P2RX5: variants seen among roughly 807,000 people sequenced by gnomAD.
P2RX5 encodes the protein P2X purinoceptor 5.
P2RX5 carries 46 observed loss-of-function variants against 54.1 expected under a neutral mutation model. The observed-to-expected ratio is 0.85, with a 90% CI of 0.67 to 1.09. The LOEUF is 1.09. Among genes scored for constraint, P2RX5 ranks in the 50% least tolerant of loss-of-function variants. The pLI, the probability that P2RX5 is intolerant of heterozygous loss-of-function variation, is 0.00. For missense variants in P2RX5, 566 were observed against 549.8 expected, an observed-to-expected ratio of 1.03 and a Z score of -0.29; for synonymous variants, 226 against 226.4, an observed-to-expected ratio of 1.00 and a Z score of 0.02.
chr17:3,705,699 T>C, the P2RX5 span, among the ~76,000 whole-genome samples: 1 of 152,196 alleles, frequency 6.6e-6, no homozygotes, highest in African/African-American at 2.4e-5. Context: ...AAAGAACGAA[T>C]GAATGAAATT....
chr17:3,679,515 G>T (rs2050180327), intron 11 of P2RX5, 75 bp downstream of exon 11: 2 of 1,365,214 alleles, frequency 1.5e-6, no homozygotes, highest in Non-Finnish European at 2.1e-6. Context: ...GAGCTGCCAG[G>T]CATGAGAAGC....
At chr17:3,680,621 G>T (rs1292947639) in intron 10 of P2RX5, among the ~76,000 whole-genome samples, 4 of 94,324 alleles carry the variant, frequency 4.2e-5, no homozygotes, top group Non-Finnish European at 6.3e-5. Flanking sequence ...CCTCCACCCT[G>T]CAGGCCACCA....
chr17:3,696,074 G>A lies in P2RX5; in HGVS notation c.-69C>T. ...GCTCATGGGGAGCACTCGGTCCCTC[G>A]GTCCCTGCGCGCCCGGCGCCCGCCT... On this transcript the variant is annotated 5_prime_UTR_variant, in exon 1 of 12. Coordinates refer to ENST00000225328, the MANE Select transcript of P2RX5 (RefSeq NM_002561.4). 6.5e-7 allele frequency: 1 copy of A among 1,535,996 alleles called. No homozygotes were observed. The highest frequency in any genetic ancestry group is 1.2e-5 in the South Asian group (1 of 82,900).
chr17:3,680,217 A>G (rs972176748), intron 10 of P2RX5, among the ~76,000 whole-genome samples: 121 of 48,632 alleles, frequency 2.5e-3, no homozygotes, highest in Non-Finnish European at 3.0e-3. Context: ...TCCACCCTGC[A>G]TCCTCCACCC....
chr17:3,720,438 A>T, the P2RX5 span: 1 of 959,758 alleles, frequency 1.0e-6, no homozygotes, highest in South Asian at 1.3e-5. Flanking sequence ...GAAACAAAAC[A>T]TATTTTAGAC....
chr17:3,695,736 C>A, intron 1 of P2RX5, 133 bp downstream of exon 1: 6 of 1,067,700 alleles, frequency 5.6e-6, no homozygotes, highest in Non-Finnish European at 8.6e-6. Context: ...CCACAGCAAG[C>A]AGGCTCACAG....
At chr17:3,715,528 G>A in the P2RX5 span, among the ~76,000 whole-genome samples, 2 of 152,128 alleles carry the variant, frequency 1.3e-5, no homozygotes, top group African/African-American at 4.8e-5. Flanking sequence ...GTACGCAGAG[G>A]CACGAACCTA....
chr17:3,719,037 G>A, the P2RX5 span, among the ~76,000 whole-genome samples: 1 of 152,016 alleles, frequency 6.6e-6, no homozygotes, highest in South Asian at 2.1e-4. Context: ...TTCGAGACCA[G>A]CCTGGCCAAC....
the P2RX5 span, chr17:3,716,959 G>A: frequency 1.7e-6 from 1 of 574,316 alleles, no homozygotes; most frequent in Non-Finnish European, 3.1e-6. Flanking sequence ...CCCTGATGCA[G>A]CATTTTAGAT....
chr17:3,673,490 T>C lies in P2RX5; in HGVS notation c.*378A>G. 8.5e-7 allele frequency: 1 copy of C among 1,174,576 alleles called. No individual in the cohort carries two copies. The highest frequency in any genetic ancestry group is 1.1e-6 in the Non-Finnish European group (1 of 940,008). The allele number at this position is 1,174,576 out of a possible 1,614,324, so 72.8% of individuals were successfully genotyped here. On this transcript the variant is annotated 3_prime_UTR_variant, in exon 12 of 12. Coordinates refer to ENST00000225328, the MANE Select transcript of P2RX5 (RefSeq NM_002561.4). Reference sequence around the variant, plus strand: ...GGAGCCCTTTTCCGGACACGCACAATGCTATTCCCAGTGAGGTAATCTAGG... The same window carrying C: ...GGAGCCCTTTTCCGGACACGCACAACGCTATTCCCAGTGAGGTAATCTAGG...
intron 1 of P2RX5, 88 bp from the exon 2 acceptor site, chr17:3,691,882 A>C: frequency 7.4e-7 from 1 of 1,354,878 alleles, no homozygotes; most frequent in East Asian, 2.3e-5. Flanking sequence ...TAGCAGTCAC[A>C]GCAACTCCTA....
chr17:3,700,699 G>A (rs546080236), upstream of P2RX5, among the ~76,000 whole-genome samples: 30 of 152,308 alleles, frequency 2.0e-4, no homozygotes, highest in African/African-American at 6.3e-4. Context: ...CCTAGTGGGC[G>A]GTGTAGGGTC....
chr17:3,688,571 G>A, intron 8 of P2RX5, 55 bp downstream of exon 8: 2 of 1,588,846 alleles, frequency 1.3e-6, no homozygotes, highest in Non-Finnish European at 1.7e-6. Context: ...GCACCCAGAT[G>A]AGTGAGTGCC....
At chr17:3,709,343 T>A in the P2RX5 span, among the ~76,000 whole-genome samples, 2 of 152,192 alleles carry the variant, frequency 1.3e-5, no homozygotes, top group African/African-American at 4.8e-5. Context: ...GATTTCACTA[T>A]GAGAAATGTA....
At chr17:3,699,917 GGAAAGAAAGAAA>G (rs71362545), upstream of P2RX5, among the ~76,000 whole-genome samples, 567 of 75,340 alleles carry the variant, frequency 7.5e-3, 6 homozygotes, top group Middle Eastern at 0.015. Flanking sequence ...AAGGAAGGAA[GGAAAGAAAGAAA>G]GAAAGAAAGA....
Position 3,696,012 on chromosome 17 carries a change from C to T in P2RX5, c.-7G>A, listed in dbSNP as rs1478007886. 1 of 1,613,422 alleles carries T rather than the reference C, an allele frequency of 6.2e-7. No individual in the cohort carries two copies. The highest frequency in any genetic ancestry group is 1.1e-5 in the South Asian group (1 of 91,080). On this transcript the variant is annotated 5_prime_UTR_variant, in exon 1 of 12. Transcript: ENST00000225328. ...TGCAGCCCGCCTGCCCCATGGCGCG[C>T]TCTCAGCCGGGCTTGCGGACCGCCC...
chr17:3,673,901 G>A, intron 11 of P2RX5, 24 bp from the exon 12 acceptor site: 1 of 1,601,822 alleles, frequency 6.2e-7, no homozygotes, highest in Non-Finnish European at 8.5e-7. Context: ...ACAGAAAGGA[G>A]CTCTTGAGAG....
the P2RX5 span, chr17:3,723,802 C>A: frequency 4.4e-3 from 7,027 of 1,589,102 alleles, 16 homozygotes; most frequent in Non-Finnish European, 5.4e-3. Flanking sequence ...AGTTTTCCGT[C>A]CCGTCCCGGC....
rs777559851 is a variant in P2RX5, at chr17:3,696,034, GC to G, written c.-30del. 79 of 1,611,454 alleles carry G rather than the reference GC, an allele frequency of 4.9e-5. 1 individual carries two copies. The Admixed American group carries it at 7.8e-4, about 16-fold the overall frequency. ...GCGCTCTCAGCCGGGCTTGCGGACC[GC>G]CCGGCCCACGTGCGCTCATGGGGAG... On this transcript the variant is annotated 5_prime_UTR_variant, in exon 1 of 12. The change creates a premature stop within an existing upstream ORF in the 5' untranslated region. Coordinates refer to ENST00000225328, the MANE Select transcript of P2RX5 (RefSeq NM_002561.4).
Sources: gnomAD v4.1 joint callset for allele counts (sites outside exome capture counted in the v4.1 genomes callset) on GRCh38, gnomAD v4.1.1 for gene constraint, MANE v1.5 for transcripts, NCBI Gene and HGNC (gene_info 2026-07-23, HGNC 2026-07-21) for gene names.